The following SUSD5 variants were observed in gnomAD, a reference collection of about 807,000 sequenced individuals.
The protein encoded by SUSD5 is sushi domain containing 5, also known as sushi domain-containing protein 5.
SUSD5 carries 33 observed loss-of-function variants against 29.5 expected under a neutral mutation model. That is an observed-to-expected ratio of 1.12 (90% CI 0.85 to 1.49). The LOEUF is 1.49. SUSD5 is among the 40% of genes most tolerant of loss of function. The pLI, the probability that SUSD5 is intolerant of heterozygous loss-of-function variation, is 0.00. For missense variants in SUSD5, 776 were observed against 800.6 expected, an observed-to-expected ratio of 0.97 and a Z score of 0.37; for synonymous variants, 308 against 325.3, an observed-to-expected ratio of 0.95 and a Z score of 0.57.
intron 3 of SUSD5, among the ~76,000 whole-genome samples, chr3:33,199,304 C>G (rs1026406673): frequency 6.6e-6 from 1 of 152,078 alleles, no homozygotes; most frequent in African/African-American, 2.4e-5. Flanking sequence ...GACGGAGTCT[C>G]GCTCTGTTGC....
At chr3:33,218,589 T>G (rs2032466969) in intron 1 of SUSD5, 97 bp downstream of exon 1, 2 of 1,104,566 alleles carry the variant, frequency 1.8e-6, no homozygotes, top group Non-Finnish European at 1.2e-6. Context: ...GCTTGCCGCT[T>G]GCCGGGCCGG....
intron 3 of SUSD5, among the ~76,000 whole-genome samples, chr3:33,200,693 A>C (rs941918905): frequency 2.6e-5 from 4 of 152,236 alleles, no homozygotes; most frequent in African/African-American, 7.2e-5. Context: ...CTCTGGACAG[A>C]ATGTTGGTAG....
intron 2 of SUSD5, among the ~76,000 whole-genome samples, chr3:33,212,679 G>A (rs2032343939): frequency 6.6e-6 from 1 of 152,306 alleles, no homozygotes; most frequent in Non-Finnish European, 1.5e-5. Context: ...AGCCCCTAAA[G>A]GAGATACCTC....
chr3:33,210,732 T>C (rs2032307508), intron 2 of SUSD5, among the ~76,000 whole-genome samples: 1 of 152,184 alleles, frequency 6.6e-6, no homozygotes, highest in South Asian at 2.1e-4. Context: ...TGCTTGTTTC[T>C]AGAAAAATAA....
At chr3:33,179,859 G>A (rs1421974287) in intron 3 of SUSD5, among the ~76,000 whole-genome samples, 1 of 152,186 alleles carries the variant, frequency 6.6e-6, no homozygotes, top group Admixed American at 6.5e-5. Flanking sequence ...CTGAATATAT[G>A]ATGGTAGTCT....
At chr3:33,187,111 A>G (rs1170769984) in intron 3 of SUSD5, among the ~76,000 whole-genome samples, 1 of 152,164 alleles carries the variant, frequency 6.6e-6, no homozygotes, top group African/African-American at 2.4e-5. Context: ...CTCATGCTGG[A>G]TGCCCCACTG....
chr3:33,183,573 T>G (rs1289128682), intron 3 of SUSD5, among the ~76,000 whole-genome samples: 1 of 152,228 alleles, frequency 6.6e-6, no homozygotes. Context: ...GTATCATTGG[T>G]GTCATTCAGT....
chr3:33,195,435 G>A (rs1393353158), intron 3 of SUSD5, among the ~76,000 whole-genome samples: 1 of 152,180 alleles, frequency 6.6e-6, no homozygotes, highest in Admixed American at 6.5e-5. Flanking sequence ...GGGAATGGCT[G>A]TTGTGCAGGT....
At chr3:33,206,988 C>G (rs1253596496) in intron 3 of SUSD5, among the ~76,000 whole-genome samples, 1 of 151,960 alleles carries the variant, frequency 6.6e-6, no homozygotes, top group Non-Finnish European at 1.5e-5. Context: ...TAGTAAGAAG[C>G]TTGCTTCTCC....
intron 3 of SUSD5, among the ~76,000 whole-genome samples, chr3:33,200,397 T>A (rs2032093505): frequency 6.6e-6 from 1 of 152,224 alleles, no homozygotes; most frequent in Non-Finnish European, 1.5e-5. Context: ...CCTAAAAATA[T>A]GGATTCAGCT....
intron 3 of SUSD5, among the ~76,000 whole-genome samples, chr3:33,183,668 C>T (rs2031717742): frequency 6.6e-6 from 1 of 151,982 alleles, no homozygotes; most frequent in Non-Finnish European, 1.5e-5. Context: ...TTTTACTTCA[C>T]CTTCACTTAT....
intron 4 of SUSD5, among the ~76,000 whole-genome samples, chr3:33,162,770 C>T (rs1250532029): frequency 1.3e-5 from 2 of 151,932 alleles, no homozygotes; most frequent in African/African-American, 4.8e-5. Flanking sequence ...CTGGCCAACA[C>T]GGTGAAACCC....
intron 4 of SUSD5, 65 bp from the exon 5 acceptor site, chr3:33,154,098 A>C (rs2030993501): frequency 1.5e-6 from 2 of 1,327,988 alleles, no homozygotes; most frequent in Non-Finnish European, 2.0e-6. Flanking sequence ...AGAACATAAG[A>C]AAAGGAAATT....
At chr3:33,201,427 T>C (rs1247583047) in intron 3 of SUSD5, among the ~76,000 whole-genome samples, 2 of 152,202 alleles carry the variant, frequency 1.3e-5, no homozygotes, top group African/African-American at 2.4e-5. Flanking sequence ...TTGTTGGTGC[T>C]CATGGCCCCA....
intron 4 of SUSD5, among the ~76,000 whole-genome samples, chr3:33,160,359 C>A (rs1350222875): frequency 6.6e-6 from 1 of 150,824 alleles, no homozygotes; most frequent in African/African-American, 2.4e-5. Flanking sequence ...AGGAGTGAGA[C>A]CAGCCTCAGC....
chr3:33,192,176 C>T (rs561370100), intron 3 of SUSD5, among the ~76,000 whole-genome samples: 14 of 151,626 alleles, frequency 9.2e-5, no homozygotes, highest in South Asian at 8.4e-4. Flanking sequence ...CAGGTTCAAG[C>T]GATTCTCCTG....
intron 3 of SUSD5, among the ~76,000 whole-genome samples, chr3:33,184,962 C>T (rs2031748788): frequency 1.3e-5 from 2 of 152,174 alleles, no homozygotes; most frequent in Admixed American, 6.5e-5. Context: ...TAGAATGCCT[C>T]GTAATTTTTG....
rs1468436394 is a variant in SUSD5 at position 33,174,913 on chromosome 3, ACCACTCC to A, written c.564_570del (p.Glu189ThrfsTer70). ...TTCCCACAGGCCTGCACCAGGCCGT[ACCACTCC>A]CCACAGCTGTTACATAGCAAGGTGA... On this transcript the variant is annotated frameshift_variant, in exon 4 of 5. Transcript: ENST00000309558. LOFTEE classifies it low-confidence loss of function (END_TRUNC). 6.2e-7 allele frequency: 1 copy of A among 1,613,980 alleles called. No homozygotes were observed. The highest frequency in any genetic ancestry group is 8.5e-7 in the Non-Finnish European group (1 of 1,179,882).
At chr3:33,177,823 A>T (rs1440077095) in intron 3 of SUSD5, among the ~76,000 whole-genome samples, 2 of 152,246 alleles carry the variant, frequency 1.3e-5, no homozygotes, top group African/African-American at 2.4e-5. Context: ...ATACATGTGC[A>T]GAACGTGCGG....
Sources: gnomAD v4.1 joint callset for allele counts (sites outside exome capture counted in the v4.1 genomes callset) on GRCh38, gnomAD v4.1.1 for gene constraint, MANE v1.5 for transcripts, NCBI Gene and HGNC (gene_info 2026-07-23, HGNC 2026-07-21) for gene names.